The following SPAG16 variants were observed in gnomAD, a reference collection of about 807,000 sequenced individuals.
SPAG16 encodes sperm associated antigen 16, also known as sperm-associated antigen 16 protein.
Under a neutral mutation model 80.4 loss-of-function variants are expected in SPAG16, and 86 were observed. That is an observed-to-expected ratio of 1.07 (90% CI 0.90 to 1.28). The LOEUF is 1.28. Ranked by LOEUF, SPAG16 falls within the 50% of genes most tolerant of loss-of-function variation. The pLI is 0.00. For missense variants in SPAG16, 870 were observed against 765.3 expected, an observed-to-expected ratio of 1.14 and a Z score of -1.61; for synonymous variants, 294 against 265.9, an observed-to-expected ratio of 1.11 and a Z score of -1.03.
At chr2:213,674,138 C>T (rs565519166) in intron 10 of SPAG16, among the ~76,000 whole-genome samples, 33 of 152,016 alleles carry the variant, frequency 2.2e-4, no homozygotes, top group Non-Finnish European at 4.3e-4. Context: ...AATATGGAGA[C>T]CGACCTGCTG....
intron 10 of SPAG16, among the ~76,000 whole-genome samples, chr2:213,777,532 C>G (rs1336366903): frequency 6.6e-6 from 1 of 151,956 alleles, no homozygotes; most frequent in East Asian, 1.9e-4. Context: ...TCAGCCTCCC[C>G]AGCAGCTGGA....
Position 213,820,459 on chromosome 2 carries a change from G to C in SPAG16, c.1071-42026G>C, listed in dbSNP as rs188977781. 5.9e-5 allele frequency among the ~76,000 whole-genome samples: 9 copies of C among 152,122 alleles called. No homozygotes were observed. The East Asian group carries it at 1.5e-3, about 26-fold the overall frequency. ...GGCTCCAAGTATTCAAATTAGGACT[G>C]GGGTGATTTTTGGCAGACTGCACAG... On this transcript the variant is annotated intron_variant, in intron 10 of 15. Coordinates refer to ENST00000331683, the MANE Select transcript of SPAG16 (RefSeq NM_024532.5).
At chr2:213,303,768 T>C (rs1351313696) in intron 3 of SPAG16, among the ~76,000 whole-genome samples, 1 of 152,172 alleles carries the variant, frequency 6.6e-6, no homozygotes, top group Non-Finnish European at 1.5e-5. Flanking sequence ...ATTTCCTTTC[T>C]GCACTCACCT....
intron 15 of SPAG16, among the ~76,000 whole-genome samples, chr2:214,167,641 T>C (rs72941963): frequency 0.02 from 3,097 of 152,200 alleles, 41 homozygotes; most frequent in Non-Finnish European, 0.032. Context: ...ATTTTTGTTA[T>C]TCTAAATGTC....
At chr2:213,444,854 AG>A (rs2071196206) in intron 9 of SPAG16, among the ~76,000 whole-genome samples, 2 of 152,228 alleles carry the variant, frequency 1.3e-5, no homozygotes, top group Admixed American at 1.3e-4. Flanking sequence ...ACAACACTAT[AG>A]TAACCCAAAC....
chr2:213,400,708 A>G (rs1186645371), intron 9 of SPAG16, among the ~76,000 whole-genome samples: 2 of 152,266 alleles, frequency 1.3e-5, no homozygotes, highest in South Asian at 2.1e-4. Flanking sequence ...TGGAATTTGC[A>G]CTTAATAGTT....
intron 10 of SPAG16, among the ~76,000 whole-genome samples, chr2:213,538,899 G>T (rs2076339426): frequency 6.6e-6 from 1 of 151,954 alleles, no homozygotes; most frequent in Non-Finnish European, 1.5e-5. Context: ...AATCATCATT[G>T]ATATTTAGGA....
intron 11 of SPAG16, among the ~76,000 whole-genome samples, chr2:213,909,048 T>C (rs972183000): frequency 6.6e-6 from 1 of 151,978 alleles, no homozygotes; most frequent in Non-Finnish European, 1.5e-5. Flanking sequence ...CCAAAATCAA[T>C]GTACAAAAAT....
chr2:214,346,812 C>T (rs953526511), intron 15 of SPAG16, among the ~76,000 whole-genome samples: 11 of 152,176 alleles, frequency 7.2e-5, no homozygotes, highest in African/African-American at 9.7e-5. Flanking sequence ...TGAAGCTGTT[C>T]TGAACTCACA....
chr2:213,642,624 A>AACCT (rs1307800987), intron 10 of SPAG16, among the ~76,000 whole-genome samples: 3,252 of 110,834 alleles, frequency 0.029, 279 homozygotes, highest in Middle Eastern at 0.045. Context: ...AGACTGGTCT[A>AACCT]CCCCGGCTAA....
intron 10 of SPAG16, among the ~76,000 whole-genome samples, chr2:213,725,156 C>T (rs960550496): frequency 2.0e-5 from 3 of 152,028 alleles, no homozygotes; most frequent in South Asian, 4.1e-4. Context: ...CCTCAGCCTC[C>T]CTAGCAGCTG....
chr2:213,849,945 T>C (rs2074818211), intron 10 of SPAG16, among the ~76,000 whole-genome samples: 1 of 152,192 alleles, frequency 6.6e-6, no homozygotes, highest in Admixed American at 6.5e-5. Flanking sequence ...ACTTGTTAAA[T>C]CATAAAGAAG....
chr2:213,804,678 G>T (rs989888676), intron 10 of SPAG16, among the ~76,000 whole-genome samples: 3 of 144,982 alleles, frequency 2.1e-5, no homozygotes, highest in African/African-American at 7.7e-5. Flanking sequence ...GCGAGACTCC[G>T]TCTCAACTAA....
At chr2:213,292,978 T>G (rs569005608) in intron 1 of SPAG16, among the ~76,000 whole-genome samples, 12 of 152,286 alleles carry the variant, frequency 7.9e-5, no homozygotes, top group Middle Eastern at 3.4e-3. Flanking sequence ...CACCCTGATA[T>G]GGTTTGGCTC....
rs563865981 is a variant in SPAG16 at position 214,017,510 on chromosome 2, A to G, written c.1527+3433A>G. ...GTCTATATCTTATTTACTTTCTCTT[A>G]TGTGAAAAACAGAAGCACTAATGCT... On this transcript the variant is annotated intron_variant, in intron 13 of 15. Coordinates refer to ENST00000331683, the MANE Select transcript of SPAG16 (RefSeq NM_024532.5). 5.3e-5 allele frequency among the ~76,000 whole-genome samples: 8 copies of G among 152,192 alleles called. No individual in the cohort carries two copies. The South Asian group carries it at 1.0e-3, about 20-fold the overall frequency.
intron 13 of SPAG16, among the ~76,000 whole-genome samples, chr2:214,071,863 C>G (rs897133555): frequency 3.3e-5 from 5 of 151,976 alleles, no homozygotes; most frequent in African/African-American, 1.2e-4. Context: ...GGCAATAACA[C>G]TGTAATTTAG....
At chr2:214,089,463 T>TC (rs2052019452) in intron 13 of SPAG16, among the ~76,000 whole-genome samples, 1 of 152,068 alleles carries the variant, frequency 6.6e-6, no homozygotes. Flanking sequence ...TACAAGATTT[T>TC]CCCCTGACTT....
At chr2:213,820,039 A>G (rs913683878) in intron 10 of SPAG16, among the ~76,000 whole-genome samples, 1 of 151,084 alleles carries the variant, frequency 6.6e-6, no homozygotes, top group Admixed American at 6.6e-5. Flanking sequence ...CGGCCTCCCA[A>G]AGTGCTGGGA....
chr2:214,157,316 TAA>T, intron 15 of SPAG16, among the ~76,000 whole-genome samples: 1 of 152,266 alleles, frequency 6.6e-6, no homozygotes, highest in South Asian at 2.1e-4. Context: ...TACAGTTCTG[TAA>T]AAGTCAGAAT....
Sources: gnomAD v4.1 joint callset for allele counts (sites outside exome capture counted in the v4.1 genomes callset) on GRCh38, gnomAD v4.1.1 for gene constraint, MANE v1.5 for transcripts, NCBI Gene and HGNC (gene_info 2026-07-23, HGNC 2026-07-21) for gene names.